The following PCDH11X variants were observed in gnomAD, a reference collection of about 807,000 sequenced individuals.
The protein encoded by PCDH11X is protocadherin-11 X-linked.
Under a neutral mutation model 53.3 loss-of-function variants are expected in PCDH11X, and 18 were observed. The ratio of observed to expected loss-of-function variants is 0.34; its 90% confidence interval spans 0.23 to 0.50. The LOEUF (loss-of-function observed/expected upper bound fraction) is 0.50, where lower values mean the gene tolerates loss of function less well. Ranked by LOEUF, PCDH11X falls within the 20% of genes least tolerant of loss-of-function variation. The pLI is 0.98. For missense variants in PCDH11X, 570 were observed against 1,032.4 expected (o/e 0.55, Z 6.14); for synonymous variants, 279 against 393.3 (o/e 0.71, Z 3.44).
At chrX:92,133,350 A>G (rs6618873) in intron 6 of PCDH11X, among the ~76,000 whole-genome samples, 26,516 of 110,429 alleles carry the variant, frequency 0.24, 2,676 homozygotes, top group East Asian at 0.43. Context: ...AGCAACTGTG[A>G]CTTTTTGCTG....
At chrX:92,125,526 A>G (rs1228600347) in intron 6 of PCDH11X, among the ~76,000 whole-genome samples, 1 of 111,147 alleles carries the variant, frequency 9.0e-6, no homozygotes, top group Non-Finnish European at 1.9e-5. Flanking sequence ...TGAGTTCCTT[A>G]TATGGAACTT....
chrX:91,854,900 T>C (rs1471676095), intron 5 of PCDH11X, among the ~76,000 whole-genome samples: 2 of 111,863 alleles, frequency 1.8e-5, no homozygotes, highest in Non-Finnish European at 3.8e-5. Flanking sequence ...TTATTAATCC[T>C]TTGTCAGATG....
intron 6 of PCDH11X, among the ~76,000 whole-genome samples, chrX:91,928,332 A>G (rs181479594): frequency 1.8e-5 from 2 of 110,048 alleles, no homozygotes; most frequent in South Asian, 3.8e-4. Context: ...ATTATCGTTT[A>G]GTCATATATA....
intron 6 of PCDH11X, among the ~76,000 whole-genome samples, chrX:92,063,429 C>G (rs2063556185): frequency 9.0e-6 from 1 of 110,924 alleles, no homozygotes. Context: ...TTTCTTAAAA[C>G]AGACATTTCA....
rs896998981 is a variant in PCDH11X at position 92,021,151 on chromosome X, T to G, written c.3033+141878T>G. The stretch of plus-strand genomic sequence containing the variant: ...TCTTCTCCAAATGATCCCAACGCCT[T>G]TCCAGCAAGGGCACAGAACTGATTG... On this transcript the variant is annotated intron_variant, in intron 6 of 10. Transcript: ENST00000682573. Among the ~76,000 whole-genome samples the G allele has an allele frequency of 4.5e-5, 5 of 110,999 alleles. No individual in the cohort carries two copies. The Admixed American group carries it at 4.8e-4, about 11-fold the overall frequency.
At chrX:92,107,563 C>A (rs2064411781) in intron 6 of PCDH11X, among the ~76,000 whole-genome samples, 2 of 111,733 alleles carry the variant, frequency 1.8e-5, no homozygotes, top group Admixed American at 1.9e-4. Context: ...ATGGAGAAAC[C>A]CCGTCTCTAC....
intron 6 of PCDH11X, among the ~76,000 whole-genome samples, chrX:91,894,078 C>T (rs1377253575): frequency 1.8e-5 from 2 of 111,880 alleles, no homozygotes; most frequent in Non-Finnish European, 3.8e-5. Flanking sequence ...AATCTTATAT[C>T]AGGAGATTCT....
intron 8 of PCDH11X, among the ~76,000 whole-genome samples, chrX:92,349,710 A>T (rs1320614039): frequency 9.0e-6 from 1 of 111,496 alleles, no homozygotes; most frequent in African/African-American, 3.3e-5. Flanking sequence ...CATAAATTGT[A>T]CTTCGAGTAT....
chrX:92,466,288 T>C (rs1299741318), intron 9 of PCDH11X, among the ~76,000 whole-genome samples: 1 of 110,876 alleles, frequency 9.0e-6, no homozygotes, highest in Non-Finnish European at 1.9e-5. Flanking sequence ...ACCACAAACA[T>C]CTTGGGCAGT....
At chrX:92,580,972 C>A (rs867696878) in intron 10 of PCDH11X, among the ~76,000 whole-genome samples, 198 of 110,125 alleles carry the variant, frequency 1.8e-3, no homozygotes, top group Middle Eastern at 0.014. Flanking sequence ...GTGAGAGAAC[C>A]TGGATACTTC....
At chrX:92,100,335 G>C (rs968980796) in intron 6 of PCDH11X, among the ~76,000 whole-genome samples, 1 of 110,864 alleles carries the variant, frequency 9.0e-6, no homozygotes, top group African/African-American at 3.3e-5. Context: ...AGTCCTAAAA[G>C]AGAGTCAGTG....
At chrX:92,394,296 T>C (rs961368356) in intron 9 of PCDH11X, among the ~76,000 whole-genome samples, 2 of 110,780 alleles carry the variant, frequency 1.8e-5, no homozygotes, top group Admixed American at 1.9e-4. Flanking sequence ...TAGATAGAGG[T>C]TGATCACTCA....
At chrX:91,936,609 T>C (rs958324075) in intron 6 of PCDH11X, among the ~76,000 whole-genome samples, 2 of 106,259 alleles carry the variant, frequency 1.9e-5, no homozygotes, top group African/African-American at 6.7e-5. Flanking sequence ...TTGCCTAAAA[T>C]AATTTTTATC....
At chrX:92,126,422 A>G (rs929318944) in intron 6 of PCDH11X, among the ~76,000 whole-genome samples, 4 of 110,540 alleles carry the variant, frequency 3.6e-5, no homozygotes, top group African/African-American at 6.6e-5. Context: ...ACCAGCCTGA[A>G]CAACATGGAG....
At chrX:91,823,254 G>C (rs996507870) in intron 4 of PCDH11X, among the ~76,000 whole-genome samples, 3 of 111,038 alleles carry the variant, frequency 2.7e-5, no homozygotes, top group African/African-American at 9.9e-5. Context: ...TAGTTGATCT[G>C]TCTAATGTTG....
intron 10 of PCDH11X, among the ~76,000 whole-genome samples, chrX:92,523,909 T>A (rs1603356039): frequency 9.0e-6 from 1 of 111,647 alleles, no homozygotes; most frequent in Admixed American, 9.6e-5. Flanking sequence ...TTTAGCATTT[T>A]TTTTCAAATG....
chrX:92,232,928 G>A (rs922741787), intron 7 of PCDH11X, among the ~76,000 whole-genome samples: 1 of 111,161 alleles, frequency 9.0e-6, no homozygotes, highest in African/African-American at 3.3e-5. Context: ...TGTTAGCCAG[G>A]ATGGTCTCCA....
chrX:91,939,578 T>C (rs1379558638), intron 6 of PCDH11X, among the ~76,000 whole-genome samples: 1 of 106,510 alleles, frequency 9.4e-6, no homozygotes, highest in African/African-American at 3.4e-5. Context: ...AACTCAATGA[T>C]AAAGAAAAAA....
chrX:91,845,003 A>G (rs1937601203), intron 5 of PCDH11X, among the ~76,000 whole-genome samples: 1 of 111,730 alleles, frequency 9.0e-6, no homozygotes, highest in Non-Finnish European at 1.9e-5. Flanking sequence ...TTAATGGACT[A>G]TAAATAAATT....
Sources: allele counts gnomAD v4.1 joint callset (sites outside exome capture counted in the v4.1 genomes callset), GRCh38; gene constraint gnomAD v4.1.1; transcripts MANE v1.5; gene names NCBI Gene and HGNC (gene_info 2026-07-23, HGNC 2026-07-21).